OAS3: variants seen among roughly 807,000 people sequenced by gnomAD.
The protein encoded by OAS3 is 2'-5'-oligoadenylate synthetase 3.
Under a neutral mutation model 113.0 loss-of-function variants are expected in OAS3, and 107 were observed. The ratio of observed to expected loss-of-function variants is 0.95; its 90% CI spans 0.81 to 1.11. The LOEUF is 1.11. Ranked by LOEUF, OAS3 falls within the 50% of genes most tolerant of loss-of-function variation. The pLI is 0.00. For missense variants in OAS3, 1,258 were observed against 1,389.1 expected, an observed-to-expected ratio of 0.91 and a Z score of 1.50; for synonymous variants, 552 against 573.6, an observed-to-expected ratio of 0.96 and a Z score of 0.54.
chr12:112,941,803 T>A lies in OAS3; in HGVS notation c.411T>A (p.Asp137Glu). 4.3e-6 allele frequency: 7 copies of A among 1,613,958 alleles called. No homozygotes were observed. The highest frequency in any genetic ancestry group is 5.9e-6 in the Non-Finnish European group (7 of 1,179,868). ...TGCAGTTCCGCCTGACATCCGTAGATCTTGAGGACTGGATGGATGTTAGCC... is the reference window on the plus strand; with the variant it reads ...TGCAGTTCCGCCTGACATCCGTAGAACTTGAGGACTGGATGGATGTTAGCC... Reference protein sequence around the residue: ...GALQFRLTSVDLEDWMDVSLV... With the variant: ...GALQFRLTSVELEDWMDVSLV... The change falls in exon 2 of 16, where the codon GAT becomes GAA. Residue 137 changes from aspartate to glutamate, a missense_variant. Physicochemically the swap from Asp to Glu is conservative, Grantham distance 45 (BLOSUM62 2). Coordinates refer to ENST00000228928, the MANE Select transcript of OAS3 (RefSeq NM_006187.4).
In OAS3 at chr12:112,950,680, C is replaced by G; in HGVS notation, c.1375-13C>G. On this transcript the variant is annotated splice_polypyrimidine_tract_variant and intron_variant, in intron 6 of 15. Transcript: ENST00000228928. ...TAGAGGGTCCCTGATCTGAGCTGTT[C>G]TTCCCTCCACAGGGGGGCTCATTTG... 3 of 1,613,572 alleles carry G rather than the reference C, an allele frequency of 1.9e-6. No individual in the cohort carries two copies. In the South Asian group the frequency reaches 3.3e-5, roughly 18 times the overall value.
intron 7 of OAS3, among the ~76,000 whole-genome samples, chr12:112,959,187 A>T (rs1394137129): frequency 6.6e-6 from 1 of 152,136 alleles, no homozygotes; most frequent in Non-Finnish European, 1.5e-5. Flanking sequence ...TGCTAAGACC[A>T]TTGGAAAAGC....
chr12:112,940,741 G>T (rs985530369), intron 1 of OAS3, among the ~76,000 whole-genome samples: 1 of 152,194 alleles, frequency 6.6e-6, no homozygotes, highest in African/African-American at 2.4e-5. Flanking sequence ...GGTGGTTCAT[G>T]CCTGTAATCC....
chr12:112,967,079 G>A (rs2043940452), intron 12 of OAS3, among the ~76,000 whole-genome samples: 1 of 152,242 alleles, frequency 6.6e-6, no homozygotes, highest in African/African-American at 2.4e-5. Flanking sequence ...GCAGGAGGAT[G>A]TAAGACTGAG....
intron 14 of OAS3, 141 bp from the exon 15 acceptor site, chr12:112,969,467 A>G: frequency 1.1e-6 from 1 of 933,992 alleles, no homozygotes; most frequent in Non-Finnish European, 1.7e-6. Flanking sequence ...CCTGTAGTGT[A>G]TAGGAGCACT....
At chr12:112,964,891 C>T (rs1303165736) in intron 11 of OAS3, among the ~76,000 whole-genome samples, 2 of 152,134 alleles carry the variant, frequency 1.3e-5, no homozygotes, top group Non-Finnish European at 2.9e-5. Context: ...GCTTGGGTAA[C>T]CTACCAACCC....
At position 112,967,936 on chromosome 12, in the gene OAS3, T is replaced by G. The variant is rs1221037386; in HGVS notation, c.2866T>G (p.Cys956Gly). 6.2e-7 allele frequency: 1 copy of G among 1,612,638 alleles called. No homozygotes were observed. Among genetic ancestry groups the G allele is most frequent in the African/African-American group, 1.3e-5 (1 of 74,882 alleles). ...IRLVKHWYQQCTKISKGRGSL... is the reference protein window; with the variant it reads ...IRLVKHWYQQGTKISKGRGSL... ...ACATATCTTTCTTCTCGTTCTCCAG[T>G]GTACCAAGATCTCCAAGGGGAGAGG... The change falls in exon 14 of 16, where the codon TGT becomes GGT. Residue 956 changes from cysteine to glycine, a missense_variant and splice_region_variant. Transcript: ENST00000228928.
rs535040759 is a variant in OAS3, at chr12:112,963,939, A to G, written c.2230-296A>G. 1.3e-5 allele frequency among the ~76,000 whole-genome samples: 2 copies of G among 152,300 alleles called. No homozygotes were observed. Among genetic ancestry groups the G allele is most frequent in the East Asian group, 1.9e-4 (1 of 5,176 alleles). ...AGGATATGATTTTATCACATTTACT[A>G]TTTTGCAGCAGGGTCTCATAACCAG... On this transcript the variant is annotated intron_variant, in intron 10 of 15. Coordinates refer to ENST00000228928, the MANE Select transcript of OAS3 (RefSeq NM_006187.4). This position sits in a 1 kb window ranked among gnomAD's most constrained non-coding sequence, Gnocchi z 4.6.
At chr12:112,948,140 GT>G (rs1555225607) in intron 5 of OAS3, 41 bp downstream of exon 5, 1 of 1,390,086 alleles carries the variant, frequency 7.2e-7, no homozygotes, top group Non-Finnish European at 9.5e-7. Flanking sequence ...TTTGCACTTT[GT>G]TTATGTGTCC....
chr12:112,944,391 G>A (rs897001343), intron 2 of OAS3, 85 bp from the exon 3 acceptor site: 103 of 1,444,418 alleles, frequency 7.1e-5, no homozygotes, highest in Non-Finnish European at 8.9e-5. Flanking sequence ...CTCTCTCAGC[G>A]CCCCAGGCTG....
At chr12:112,950,618 C>T (rs2043779838) in intron 6 of OAS3, 75 bp from the exon 7 acceptor site, 8 of 1,535,108 alleles carry the variant, frequency 5.2e-6, no homozygotes, top group South Asian at 1.2e-5. Flanking sequence ...GTAGATGGGG[C>T]GCAGGTGATG....
rs2043649475 is a variant in OAS3, at chr12:112,938,559, C to T, written c.29C>T (p.Ala10Val). The change falls in exon 1 of 16, where the codon GCG becomes GTG. Residue 10 changes from alanine (A) to valine (V), a missense_variant. Ala to Val is a moderately conservative substitution (Grantham distance 64, BLOSUM62 0). Coordinates refer to ENST00000228928, the MANE Select transcript of OAS3 (RefSeq NM_006187.4). Reference sequence around the variant, plus strand: ...GACTTGTACAGCACCCCGGCCGCTGCGCTGGACAGGTTCGTGGCCAGAAGG... The same window carrying T: ...GACTTGTACAGCACCCCGGCCGCTGTGCTGGACAGGTTCGTGGCCAGAAGG... The part of the protein sequence containing the change: MDLYSTPAA[A>V]LDRFVARRLQ... 1.9e-6 allele frequency: 3 copies of T among 1,609,632 alleles called. No individual in the cohort carries two copies. In the South Asian group the frequency reaches 3.3e-5, roughly 18 times the overall value.
At position 112,963,402 on chromosome 12, in the gene OAS3, T is replaced by A; in HGVS notation, c.2174T>A (p.Met725Lys). The A allele has an allele frequency of 6.4e-7, 1 of 1,552,150 alleles. No individual in the cohort carries two copies. ...LLAQEAAALGMQACFLSRDGT... is the reference protein window; with the variant it reads ...LLAQEAAALGKQACFLSRDGT... ...GCCCAGGAAGCAGCAGCGCTGGGGA[T>A]GCAGGCCTGCTTTCTGAGTAGAGAC... The change falls in exon 10 of 16, where the codon ATG (methionine) becomes AAG (lysine). Residue 725 changes from methionine (M) to lysine (K), a missense_variant. Physicochemically the swap from Met to Lys is moderately conservative, Grantham distance 95. Coordinates refer to ENST00000228928, the MANE Select transcript of OAS3 (RefSeq NM_006187.4). This position sits in a 1 kb window ranked among gnomAD's most constrained non-coding sequence, Gnocchi z 4.6.
chr12:112,946,990 T>C lies in OAS3; in HGVS notation c.875+9T>C, dbSNP rs748839488. 7 of 1,608,822 alleles carry C rather than the reference T, an allele frequency of 4.4e-6. No individual in the cohort carries two copies. The highest frequency in any genetic ancestry group is 6.0e-6 in the Non-Finnish European group (7 of 1,175,392). ...CAGCTTAAGAGACCCAGGTACTTCC[T>C]AATAGCCCACCATCTGCTCTCCTGT... is the stretch of plus-strand genomic sequence containing the variant. On this transcript the variant is annotated intron_variant, in intron 4 of 15. Coordinates refer to ENST00000228928, the MANE Select transcript of OAS3 (RefSeq NM_006187.4).
chr12:112,958,029 T>G (rs2043851244), intron 7 of OAS3, among the ~76,000 whole-genome samples: 1 of 152,234 alleles, frequency 6.6e-6, no homozygotes, highest in Admixed American at 6.5e-5. Context: ...GAGGCTTTGT[T>G]CATTTCTTTT....
intron 11 of OAS3, among the ~76,000 whole-genome samples, chr12:112,965,246 C>T (rs182291963): frequency 1.6e-4 from 24 of 152,334 alleles, no homozygotes; most frequent in Admixed American, 7.2e-4. Context: ...CTGATCCTCA[C>T]GTTCCTGATT....
At chr12:112,961,888 T>C (rs2043890460) in intron 8 of OAS3, among the ~76,000 whole-genome samples, 1 of 152,162 alleles carries the variant, frequency 6.6e-6, no homozygotes, top group Non-Finnish European at 1.5e-5. Context: ...CTCGACCTTC[T>C]GGGCTCAAGT....
At position 112,967,950 on chromosome 12, in the gene OAS3, CA is replaced by C; in HGVS notation, c.2882del (p.Lys961ArgfsTer15). 6.2e-7 allele frequency: 1 copy of C among 1,613,632 alleles called. No homozygotes were observed. Among genetic ancestry groups the C allele is most frequent in the South Asian group, 1.1e-5 (1 of 91,046 alleles). On this transcript the variant is annotated frameshift_variant, in exon 14 of 16. Coordinates refer to ENST00000228928, the MANE Select transcript of OAS3 (RefSeq NM_006187.4). LOFTEE classifies it high-confidence loss of function. ...HWYQQCTKIS[K>X]GRGSLPPQHG... ...TCGTTCTCCAGTGTACCAAGATCTC[CA>C]AGGGGAGAGGCTCCCTACCCCCACA...
At chr12:112,968,362 TAAA>T (rs1355049663) in intron 14 of OAS3, among the ~76,000 whole-genome samples, 188 bp downstream of exon 14, 1 of 152,218 alleles carries the variant, frequency 6.6e-6, no homozygotes, top group African/African-American at 2.4e-5. Context: ...GGTTGCCAGA[TAAA>T]ACGCAAGACC....
Sources: gnomAD v4.1 joint callset for allele counts (sites outside exome capture counted in the v4.1 genomes callset) on GRCh38, gnomAD v4.1.1 for gene constraint, Gnocchi (gnomAD v3.1) non-coding constraint, MANE v1.5 for transcripts, NCBI Gene and HGNC (gene_info 2026-07-23, HGNC 2026-07-21) for gene names.